Variants in SMPD3 observed in about 807,000 individuals in gnomAD.
SMPD3 encodes the protein sphingomyelin phosphodiesterase 3.
In SMPD3, 21 loss-of-function variants were observed where a neutral mutation model predicts 55.7. That is an observed-to-expected ratio of 0.38 (90% confidence interval 0.27 to 0.54). SMPD3 has a LOEUF of 0.54. SMPD3 is among the 20% of genes least tolerant of loss of function. SMPD3 has a pLI of 0.80. For missense variants in SMPD3, 842 were observed against 899.6 expected (o/e 0.94, Z 0.82); for synonymous variants, 457 against 404.3 (o/e 1.13, Z -1.56).
rs370136036 is a variant in SMPD3 at position 68,363,563 on chromosome 16, G to C, written c.1646-4C>G. The C allele has an allele frequency of 2.5e-6, 4 of 1,612,408 alleles. No individual in the cohort carries two copies. The African/African-American group carries it at 5.3e-5, about 22-fold the overall frequency. ...CCGTTCGTGTCCAGCAGAGTACCTG[G>C]GGGGGACGAGGGGGTGACAGTGGTC... On this transcript the variant is annotated splice_polypyrimidine_tract_variant and splice_region_variant and intron_variant, in intron 6 of 8. Coordinates refer to ENST00000219334, the MANE Select transcript of SMPD3 (RefSeq NM_018667.4).
chr16:68,365,685 A>G (rs935017025), intron 3 of SMPD3, among the ~76,000 whole-genome samples: 4 of 151,872 alleles, frequency 2.6e-5, no homozygotes, highest in African/African-American at 7.3e-5. Flanking sequence ...GAGCTCCCTG[A>G]CCTGTGTCCT....
At chr16:68,373,044 G>A (rs915948192) in intron 2 of SMPD3, among the ~76,000 whole-genome samples, 27 of 152,340 alleles carry the variant, frequency 1.8e-4, no homozygotes, top group African/African-American at 6.5e-4. Flanking sequence ...CTGACCGCGG[G>A]AGAAACCCCC....
intron 1 of SMPD3, among the ~76,000 whole-genome samples, chr16:68,443,123 C>A (rs565358306): frequency 6.6e-6 from 1 of 152,156 alleles, no homozygotes; most frequent in African/African-American, 2.4e-5. Flanking sequence ...AGAAACCGGC[C>A]CCTGTGTGTG....
At chr16:68,387,325 G>A (rs1158412200) in intron 1 of SMPD3, among the ~76,000 whole-genome samples, 1 of 152,134 alleles carries the variant, frequency 6.6e-6, no homozygotes, top group Non-Finnish European at 1.5e-5. Flanking sequence ...GGAGACAGCT[G>A]GGAGGGAACT....
chr16:68,409,007 C>T (rs2090274796), intron 1 of SMPD3, among the ~76,000 whole-genome samples: 1 of 152,336 alleles, frequency 6.6e-6, no homozygotes, highest in Admixed American at 6.5e-5. Context: ...ACCTAGGTCG[C>T]TGAGGTCTCA....
chr16:68,374,457 G>A (rs930919479), intron 2 of SMPD3, among the ~76,000 whole-genome samples: 2 of 152,228 alleles, frequency 1.3e-5, no homozygotes, highest in Non-Finnish European at 2.9e-5. Flanking sequence ...AGACCACAGC[G>A]GGGCAACCTG....
At chr16:68,388,689 G>GT (rs1221372498) in intron 1 of SMPD3, among the ~76,000 whole-genome samples, 1 of 151,564 alleles carries the variant, frequency 6.6e-6, no homozygotes, top group Non-Finnish European at 1.5e-5. Context: ...ATCCCTGCAT[G>GT]TTTTTTTCAA....
intron 2 of SMPD3, among the ~76,000 whole-genome samples, chr16:68,375,147 C>T (rs2089778449): frequency 6.6e-6 from 1 of 152,186 alleles, no homozygotes; most frequent in East Asian, 1.9e-4. Context: ...GCCTCAGCCA[C>T]AGCCCCAAGC....
At chr16:68,395,800 G>A (rs915733844) in intron 1 of SMPD3, among the ~76,000 whole-genome samples, 1 of 152,258 alleles carries the variant, frequency 6.6e-6, no homozygotes, top group East Asian at 1.9e-4. Flanking sequence ...GTTTGAGAAG[G>A]AAATAGAAAA....
chr16:68,409,573 G>T, intron 1 of SMPD3, among the ~76,000 whole-genome samples: 1 of 152,218 alleles, frequency 6.6e-6, no homozygotes, highest in Admixed American at 6.5e-5. Context: ...GCCCGACTCA[G>T]ATGCACTTGG....
chr16:68,383,463 C>A (rs1458255310), intron 2 of SMPD3, among the ~76,000 whole-genome samples: 1 of 152,178 alleles, frequency 6.6e-6, no homozygotes, highest in African/African-American at 2.4e-5. Flanking sequence ...ACCAGATTGG[C>A]CTTAGGAAAT....
At chr16:68,439,094 A>T (rs1294266372) in intron 1 of SMPD3, among the ~76,000 whole-genome samples, 1 of 152,216 alleles carries the variant, frequency 6.6e-6, no homozygotes. Flanking sequence ...ATATGTTGCC[A>T]TGTAATTGCC....
In SMPD3 at chr16:68,363,673, G is replaced by A. The variant is rs1180437021; in HGVS notation, c.1645+104C>T. On this transcript the variant is annotated intron_variant, in intron 6 of 8. Coordinates refer to ENST00000219334, the MANE Select transcript of SMPD3 (RefSeq NM_018667.4). ...CTGCTAGCCAGGGGCAGCTGAATGG[G>A]GCCCTTCCCCAGCAGTGGGGTCTTG... 4 of 1,449,588 alleles carry A rather than the reference G, an allele frequency of 2.8e-6. No individual in the cohort carries two copies. The East Asian group carries it at 6.9e-5, about 25-fold the overall frequency. 89.8% of individuals were successfully genotyped at this position (1,449,588 alleles called of 1,614,324 possible). A position where few individuals can be genotyped will look rare whatever the true frequency, so the allele number is the denominator to read the frequency against.
At chr16:68,437,580 G>C (rs1162752889) in intron 1 of SMPD3, among the ~76,000 whole-genome samples, 6 of 152,184 alleles carry the variant, frequency 3.9e-5, no homozygotes, top group Admixed American at 2.6e-4. Flanking sequence ...ATCCTAGCAT[G>C]ACTTTTCAAA....
chr16:68,446,937 G>T (rs548326225), intron 1 of SMPD3, among the ~76,000 whole-genome samples: 3 of 152,242 alleles, frequency 2.0e-5, no homozygotes, highest in African/African-American at 7.2e-5. Flanking sequence ...AGATGTGGGG[G>T]CATAGTGCCC....
Position 68,359,503 on chromosome 16 carries a change from G to C in SMPD3, c.*1703C>G, listed in dbSNP as rs536417578. On this transcript the variant is annotated 3_prime_UTR_variant, in exon 9 of 9. Transcript: ENST00000219334. Reference sequence around the variant, plus strand: ...CGCCAGGCTCCCTGGGCTCTGCAGCGTTGTCTGCCCCAGCACAGGGCCAGG... The same window carrying C: ...CGCCAGGCTCCCTGGGCTCTGCAGCCTTGTCTGCCCCAGCACAGGGCCAGG... The C allele has an allele frequency of 6.5e-6, 1 of 152,764 alleles. No homozygotes were observed. Among genetic ancestry groups the C allele is most frequent in the Non-Finnish European group, 1.5e-5 (1 of 68,096 alleles). 9.5% of individuals were successfully genotyped at this position (152,764 alleles called of 1,614,324 possible). A position where few individuals can be genotyped will look rare whatever the true frequency, so the allele number is the denominator to read the frequency against.
intron 1 of SMPD3, among the ~76,000 whole-genome samples, chr16:68,441,680 A>G (rs2090566763): frequency 6.6e-6 from 1 of 152,144 alleles, no homozygotes; most frequent in Non-Finnish European, 1.5e-5. Flanking sequence ...TTATGGCCCC[A>G]TATTAGACAA....
At chr16:68,443,186 T>A (rs976869985) in intron 1 of SMPD3, among the ~76,000 whole-genome samples, 2 of 152,162 alleles carry the variant, frequency 1.3e-5, no homozygotes, top group African/African-American at 4.8e-5. Flanking sequence ...AGACTTGTGG[T>A]CTGAAATTCA....
At chr16:68,413,075 C>G (rs2090314048) in intron 1 of SMPD3, among the ~76,000 whole-genome samples, 3 of 152,228 alleles carry the variant, frequency 2.0e-5, no homozygotes, top group Admixed American at 6.5e-5. Context: ...CTTGGCGTGG[C>G]TCAAGTCCTT....
Sources: allele counts gnomAD v4.1 joint callset (sites outside exome capture counted in the v4.1 genomes callset), GRCh38; gene constraint gnomAD v4.1.1; transcripts MANE v1.5; gene names NCBI Gene and HGNC (gene_info 2026-07-23, HGNC 2026-07-21).